Variants in SEMA3D observed in about 807,000 individuals in gnomAD.
SEMA3D encodes the protein semaphorin-3D.
A neutral mutation model predicts 100.1 loss-of-function variants in SEMA3D; 84 were observed. That is an observed-to-expected ratio of 0.84 (90% CI 0.70 to 1.01). The LOEUF (loss-of-function observed/expected upper bound fraction) is 1.01. Among genes scored for constraint, SEMA3D ranks in the 50% least tolerant of loss-of-function variants. The pLI, the probability that SEMA3D is intolerant of heterozygous loss-of-function variation, is 0.00. For synonymous variants in SEMA3D, 312 were observed against 320.7 expected (o/e 0.97, Z 0.29); for missense variants, 875 against 934.1 (o/e 0.94, Z 0.82).
At chr7:85,169,184 C>T (rs1046389344) in intron 1 of SEMA3D, among the ~76,000 whole-genome samples, 2 of 151,702 alleles carry the variant, frequency 1.3e-5, no homozygotes, top group Non-Finnish European at 3.0e-5. Context: ...AAGGCTTATA[C>T]TCCAATTATG....
the SEMA3D span, among the ~76,000 whole-genome samples, chr7:85,211,596 T>A: frequency 6.6e-6 from 1 of 152,074 alleles, no homozygotes; most frequent in Non-Finnish European, 1.5e-5. Context: ...AAATTACAAA[T>A]GCATGAAAGG....
At chr7:85,016,668 C>T (rs1790112611) in intron 15 of SEMA3D, among the ~76,000 whole-genome samples, 1 of 151,772 alleles carries the variant, frequency 6.6e-6, no homozygotes, top group South Asian at 2.1e-4. Context: ...TACCCCAGTA[C>T]CCAGTCTATC....
chr7:85,135,605 T>C (rs921210004), intron 2 of SEMA3D, among the ~76,000 whole-genome samples: 2 of 151,292 alleles, frequency 1.3e-5, no homozygotes, highest in Non-Finnish European at 2.9e-5. Flanking sequence ...TGTATACATA[T>C]GTAACAAACC....
intron 2 of SEMA3D, chr7:85,143,166 AC>A: frequency 1.0e-6 from 1 of 981,726 alleles, no homozygotes; most frequent in Non-Finnish European, 1.2e-6. Flanking sequence ...ATGACATGGT[AC>A]CTGCATATAA....
intron 1 of SEMA3D, among the ~76,000 whole-genome samples, chr7:85,183,792 C>A (rs559621360): frequency 6.6e-6 from 1 of 152,160 alleles, no homozygotes. Context: ...TTTTTCTTAA[C>A]CTCCCATCTC....
At chr7:85,018,621 A>C (rs373286746) in intron 14 of SEMA3D, among the ~76,000 whole-genome samples, 2 of 151,808 alleles carry the variant, frequency 1.3e-5, no homozygotes, top group South Asian at 2.1e-4. Flanking sequence ...CATATAAGTC[A>C]AACTAGTGTT....
the SEMA3D span, among the ~76,000 whole-genome samples, chr7:85,231,487 A>G: frequency 2.9e-3 from 259 of 89,080 alleles, no homozygotes; most frequent in South Asian, 0.017. Flanking sequence ...TCGCTCTGTC[A>G]CCCAGGCTGG....
chr7:85,210,912 T>C, the SEMA3D span, among the ~76,000 whole-genome samples: 1 of 152,188 alleles, frequency 6.6e-6, no homozygotes, highest in East Asian at 1.9e-4. Context: ...TTTTTATTCA[T>C]GTATTAATGT....
chr7:85,164,210 T>G (rs765448006), intron 1 of SEMA3D, among the ~76,000 whole-genome samples: 1 of 152,102 alleles, frequency 6.6e-6, no homozygotes, highest in Non-Finnish European at 1.5e-5. Flanking sequence ...CATGGGAGCC[T>G]TCACTGAATA....
intron 17 of SEMA3D, among the ~76,000 whole-genome samples, chr7:85,010,417 G>T (rs1256711017): frequency 6.6e-6 from 1 of 151,762 alleles, no homozygotes; most frequent in Admixed American, 6.6e-5. Context: ...ACAACTAAGT[G>T]GGGTACAGAC....
chr7:85,104,865 C>T (rs1489773347), intron 3 of SEMA3D, among the ~76,000 whole-genome samples: 2 of 151,840 alleles, frequency 1.3e-5, no homozygotes, highest in Non-Finnish European at 2.9e-5. Flanking sequence ...ATTCATGGGG[C>T]TAAAAAGAAA....
At chr7:85,168,762 A>G (rs941593705) in intron 1 of SEMA3D, among the ~76,000 whole-genome samples, 2 of 149,894 alleles carry the variant, frequency 1.3e-5, no homozygotes, top group Non-Finnish European at 3.0e-5. Flanking sequence ...GTCTGTATAT[A>G]TATAAATATA....
intron 1 of SEMA3D, among the ~76,000 whole-genome samples, chr7:85,168,097 C>A (rs978015503): frequency 1.3e-5 from 2 of 151,878 alleles, no homozygotes; most frequent in Admixed American, 6.6e-5. Context: ...TTATACTTTT[C>A]TTATCATAGT....
chr7:85,131,658 C>G (rs1285773201), intron 2 of SEMA3D, among the ~76,000 whole-genome samples: 2 of 151,812 alleles, frequency 1.3e-5, no homozygotes, highest in Non-Finnish European at 2.9e-5. Context: ...TCTTGTGGAT[C>G]TTGTGAAATA....
chr7:85,197,813 A>C, the SEMA3D span, among the ~76,000 whole-genome samples: 1 of 152,226 alleles, frequency 6.6e-6, no homozygotes, highest in African/African-American at 2.4e-5. Flanking sequence ...GAAATGGACA[A>C]TAATGTTCAT....
At chr7:85,143,716 G>A (rs889339168) in intron 2 of SEMA3D, among the ~76,000 whole-genome samples, 5 of 142,766 alleles carry the variant, frequency 3.5e-5, no homozygotes, top group African/African-American at 8.0e-5. Flanking sequence ...AATATAATAT[G>A]AGACATGTAA....
the SEMA3D span, among the ~76,000 whole-genome samples, chr7:85,249,692 C>T: frequency 1.3e-5 from 2 of 152,144 alleles, no homozygotes; most frequent in African/African-American, 4.8e-5. Context: ...TGGTGTTAAT[C>T]AGAACCTGAA....
intron 3 of SEMA3D, among the ~76,000 whole-genome samples, chr7:85,106,344 G>C (rs1253963910): frequency 6.6e-6 from 1 of 151,974 alleles, no homozygotes; most frequent in African/African-American, 2.4e-5. Flanking sequence ...ATTTAATGTA[G>C]AAAACATCGG....
chr7:85,193,342 G>C, the SEMA3D span, among the ~76,000 whole-genome samples: 36 of 152,206 alleles, frequency 2.4e-4, no homozygotes, highest in Non-Finnish European at 4.9e-4. Context: ...ATTTTTGTGA[G>C]CTTTACATCC....
Sources: allele counts gnomAD v4.1 joint callset (sites outside exome capture counted in the v4.1 genomes callset), GRCh38; gene constraint gnomAD v4.1.1; transcripts MANE v1.5; gene names NCBI Gene and HGNC (gene_info 2026-07-23, HGNC 2026-07-21).